The following SLC44A5 variants were observed in gnomAD, a reference collection of about 807,000 sequenced individuals.
SLC44A5 encodes the protein solute carrier family 44 member 5, also known as choline transporter-like protein 5.
Under a neutral mutation model 101.8 loss-of-function variants are expected in SLC44A5, and 57 were observed. The ratio of observed to expected loss-of-function variants is 0.56; its 90% CI spans 0.45 to 0.70. SLC44A5 has a LOEUF of 0.70. Ranked by LOEUF, SLC44A5 falls within the 30% of genes least tolerant of loss-of-function variation. The probability of loss-of-function intolerance (pLI) is 0.00; values close to 1 mark genes in which losing one functional copy is unlikely to be tolerated. For missense variants in SLC44A5, 737 were observed against 853.1 expected (o/e 0.86, Z 1.70); for synonymous variants, 281 against 290.9 (o/e 0.97, Z 0.35).
chr1:75,203,640 CA>C lies in SLC44A5; in HGVS notation c.*86del. The C allele has an allele frequency of 6.9e-7, 1 of 1,447,690 alleles. No individual in the cohort carries two copies. Among genetic ancestry groups the C allele is most frequent in the South Asian group, 1.5e-5 (1 of 67,070 alleles). The allele number at this position is 1,447,690 out of a possible 1,614,324, so 89.7% of individuals were successfully genotyped here. ...AGGTCGTGAATACAGTGTTGCTAAA[CA>C]CAAAGCACTTATGAAACAAATGTTG... On this transcript the variant is annotated 3_prime_UTR_variant, in exon 24 of 24. Transcript: ENST00000370859.
At chr1:75,407,471 C>T (rs1662954096) in intron 2 of SLC44A5, among the ~76,000 whole-genome samples, 1 of 152,124 alleles carries the variant, frequency 6.6e-6, no homozygotes, top group African/African-American at 2.4e-5. Context: ...TACTACAAGG[C>T]TACAGTAACC....
chr1:75,693,628 T>TA, the SLC44A5 span, among the ~76,000 whole-genome samples: 1 of 152,246 alleles, frequency 6.6e-6, no homozygotes, highest in East Asian at 1.9e-4. Context: ...ACAAGCCTGA[T>TA]AAAAATGGTA....
intron 5 of SLC44A5, among the ~76,000 whole-genome samples, chr1:75,279,998 G>A (rs993905392): frequency 1.3e-5 from 2 of 149,366 alleles, no homozygotes; most frequent in Admixed American, 6.9e-5. Context: ...GAGAATATAC[G>A]ATGTTTGGTT....
At chr1:75,357,307 T>G in intron 3 of SLC44A5, 1 of 439,522 alleles carries the variant, frequency 2.3e-6, no homozygotes, top group Non-Finnish European at 4.6e-6. Flanking sequence ...GTGATACTAT[T>G]CATTGATAGA....
At chr1:75,413,611 G>C (rs1199783129) in intron 2 of SLC44A5, among the ~76,000 whole-genome samples, 1 of 152,008 alleles carries the variant, frequency 6.6e-6, no homozygotes, top group African/African-American at 2.4e-5. Flanking sequence ...ATAAATATTT[G>C]CTAACAGGAT....
chr1:75,641,883 A>C, the SLC44A5 span: 5 of 1,565,782 alleles, frequency 3.2e-6, no homozygotes, highest in Non-Finnish European at 4.4e-6. Flanking sequence ...TATTTAAATA[A>C]GGAGACCCAT....
the SLC44A5 span, among the ~76,000 whole-genome samples, chr1:75,621,744 C>A: frequency 6.6e-6 from 1 of 151,958 alleles, no homozygotes; most frequent in Non-Finnish European, 1.5e-5. Context: ...TTTTTACACA[C>A]AAAAAAATCA....
intron 5 of SLC44A5, among the ~76,000 whole-genome samples, chr1:75,290,118 G>T (rs1192753172): frequency 6.6e-6 from 1 of 152,204 alleles, no homozygotes; most frequent in Non-Finnish European, 1.5e-5. Context: ...ACTCACAAAA[G>T]ATGACCTGGC....
chr1:75,404,726 C>T (rs535155045), intron 2 of SLC44A5, among the ~76,000 whole-genome samples: 16 of 152,282 alleles, frequency 1.1e-4, no homozygotes, highest in Admixed American at 3.3e-4. Flanking sequence ...AAAACCAGTA[C>T]CAGCTACTGC....
At chr1:75,279,208 TCCCTTTCCAGC>T in intron 5 of SLC44A5, among the ~76,000 whole-genome samples, 1 of 152,206 alleles carries the variant, frequency 6.6e-6, no homozygotes, top group South Asian at 2.1e-4. Flanking sequence ...CCTCCCTCAT[TCCCTTTCCAGC>T]CCCTGCTAAC....
At chr1:75,251,352 C>T (rs928298353) in intron 6 of SLC44A5, 58 bp from the exon 7 acceptor site, 1 of 1,396,520 alleles carries the variant, frequency 7.2e-7, no homozygotes, top group Non-Finnish European at 1.0e-6. Context: ...CATATCATTT[C>T]AGACCCTGAA....
At chr1:75,220,154 C>T (rs1647048823) in intron 14 of SLC44A5, among the ~76,000 whole-genome samples, 1 of 152,130 alleles carries the variant, frequency 6.6e-6, no homozygotes, top group Non-Finnish European at 1.5e-5. Context: ...TGATTTGATA[C>T]ATTGTAATCA....
chr1:75,362,717 G>A (rs937731324), intron 3 of SLC44A5, among the ~76,000 whole-genome samples: 1 of 151,970 alleles, frequency 6.6e-6, no homozygotes, highest in African/African-American at 2.4e-5. Context: ...CCTAAAATAT[G>A]ACCTATCTTG....
At chr1:75,237,909 C>T (rs1011768595) in intron 10 of SLC44A5, among the ~76,000 whole-genome samples, 2 of 150,864 alleles carry the variant, frequency 1.3e-5, no homozygotes, top group Non-Finnish European at 3.0e-5. Flanking sequence ...AGCAATGCAG[C>T]GATATGCTGT....
chr1:75,554,532 C>T (rs745456833), intron 1 of SLC44A5, among the ~76,000 whole-genome samples: 7 of 149,070 alleles, frequency 4.7e-5, no homozygotes, highest in South Asian at 4.2e-4. Context: ...GTAGTCCAGA[C>T]AGAAGGAACA....
chr1:75,268,757 A>G (rs2100722670), intron 6 of SLC44A5, among the ~76,000 whole-genome samples: 1 of 152,296 alleles, frequency 6.6e-6, no homozygotes, highest in African/African-American at 2.4e-5. Context: ...CATTTCTTGA[A>G]TTAACAATAT....
chr1:75,226,083 C>T (rs1647188517), intron 13 of SLC44A5, among the ~76,000 whole-genome samples: 1 of 152,074 alleles, frequency 6.6e-6, no homozygotes, highest in Admixed American at 6.6e-5. Flanking sequence ...ATGCAATTCC[C>T]TGATCCTGAT....
the SLC44A5 span, among the ~76,000 whole-genome samples, chr1:75,675,938 A>G: frequency 6.6e-6 from 1 of 152,238 alleles, no homozygotes; most frequent in Non-Finnish European, 1.5e-5. Context: ...GCTAACAAAC[A>G]TATGAAAAAA....
intron 1 of SLC44A5, among the ~76,000 whole-genome samples, chr1:75,610,363 GTTATAC>G (rs1468997407): frequency 1.3e-5 from 2 of 152,022 alleles, no homozygotes; most frequent in African/African-American, 4.8e-5. Context: ...AAAAAGTGCA[GTTATAC>G]TTATGTATCT....
Sources: allele counts gnomAD v4.1 joint callset (sites outside exome capture counted in the v4.1 genomes callset), GRCh38; gene constraint gnomAD v4.1.1; transcripts MANE v1.5; gene names NCBI Gene and HGNC (gene_info 2026-07-23, HGNC 2026-07-21).